QTMAN: variants seen among roughly 807,000 people sequenced by gnomAD.
QTMAN encodes queuosine-tRNA mannosyltransferase.
chr2:144,237,156 T>C, the QTMAN span: 3 of 152,078 alleles, frequency 2.0e-5, no homozygotes, highest in African/African-American at 7.2e-5. Context: ...CAAACAAGTA[T>C]ATCAGCAATA....
At chr2:144,122,623 C>G in the QTMAN span, among the ~76,000 whole-genome samples, 1 of 152,146 alleles carries the variant, frequency 6.6e-6, no homozygotes, top group East Asian at 1.9e-4. Flanking sequence ...CAACCTACCA[C>G]AACCCTCCAA....
chr2:143,999,540 A>T, the QTMAN span, among the ~76,000 whole-genome samples: 5 of 152,198 alleles, frequency 3.3e-5, no homozygotes, highest in East Asian at 9.7e-4. Flanking sequence ...ACACACAATC[A>T]TGTATATAAC....
At chr2:144,122,005 A>G in the QTMAN span, among the ~76,000 whole-genome samples, 5 of 152,214 alleles carry the variant, frequency 3.3e-5, no homozygotes, top group Admixed American at 2.0e-4. Flanking sequence ...ATATGTTTAT[A>G]CAGTGTTGTA....
the QTMAN span, among the ~76,000 whole-genome samples, chr2:144,204,294 T>G: frequency 4.0e-5 from 6 of 151,896 alleles, no homozygotes; most frequent in African/African-American, 1.4e-4. Context: ...TCAAACAAAT[T>G]TACAAGAAAA....
At chr2:144,210,469 T>G in the QTMAN span, among the ~76,000 whole-genome samples, 1 of 152,184 alleles carries the variant, frequency 6.6e-6, no homozygotes, top group Non-Finnish European at 1.5e-5. Context: ...CAGGAATAGA[T>G]GAGGAAAGTG....
the QTMAN span, among the ~76,000 whole-genome samples, chr2:144,325,498 T>C: frequency 6.7e-5 from 10 of 149,080 alleles, no homozygotes; most frequent in Admixed American, 2.0e-4. Flanking sequence ...CTAACAGATA[T>C]ATAGAAAAAG....
At chr2:144,082,034 C>CA in the QTMAN span, among the ~76,000 whole-genome samples, 1 of 152,028 alleles carries the variant, frequency 6.6e-6, no homozygotes, top group African/African-American at 2.4e-5. Context: ...ACTAGAGGCT[C>CA]ACATCACCAC....
At chr2:144,014,061 T>A in the QTMAN span, among the ~76,000 whole-genome samples, 38 of 152,218 alleles carry the variant, frequency 2.5e-4, 1 homozygote, top group Non-Finnish European at 4.0e-4. Flanking sequence ...AGGAAACCCA[T>A]CCCAATTTAA....
At chr2:144,248,034 T>C in the QTMAN span, among the ~76,000 whole-genome samples, 1 of 152,190 alleles carries the variant, frequency 6.6e-6, no homozygotes, top group Non-Finnish European at 1.5e-5. Context: ...ATTCAAATGT[T>C]AAACTAGGTG....
chr2:143,973,788 CAA>C, the QTMAN span, among the ~76,000 whole-genome samples: 8 of 89,156 alleles, frequency 9.0e-5, no homozygotes, highest in Non-Finnish European at 7.4e-5. Context: ...AACTCCGTCT[CAA>C]AAAAAAAAAA....
chr2:144,033,658 A>G, the QTMAN span, among the ~76,000 whole-genome samples: 11 of 152,172 alleles, frequency 7.2e-5, no homozygotes, highest in Non-Finnish European at 4.4e-5. Flanking sequence ...TCATAAGGTC[A>G]GAGTGTGGGT....
chr2:144,137,848 G>T, the QTMAN span, among the ~76,000 whole-genome samples: 1 of 151,972 alleles, frequency 6.6e-6, no homozygotes, highest in African/African-American at 2.4e-5. Flanking sequence ...TAGAATGCAG[G>T]GTGGATGCCA....
the QTMAN span, among the ~76,000 whole-genome samples, chr2:144,217,670 C>A: frequency 6.6e-6 from 1 of 151,984 alleles, no homozygotes; most frequent in African/African-American, 2.4e-5. Flanking sequence ...GAAGATATAA[C>A]CCTTATTCTT....
the QTMAN span, among the ~76,000 whole-genome samples, chr2:144,322,800 A>AC: frequency 5.3e-5 from 8 of 152,174 alleles, no homozygotes; most frequent in Non-Finnish European, 2.9e-5. Flanking sequence ...AAGATCTTTC[A>AC]CCCATAATTT....
chr2:144,008,514 G>C, the QTMAN span, among the ~76,000 whole-genome samples: 6 of 151,980 alleles, frequency 3.9e-5, no homozygotes, highest in Non-Finnish European at 8.8e-5. Context: ...AAAGAGACTG[G>C]GATGCAGGTC....
At chr2:144,056,266 A>G in the QTMAN span, among the ~76,000 whole-genome samples, 1 of 152,368 alleles carries the variant, frequency 6.6e-6, no homozygotes, top group Non-Finnish European at 1.5e-5. Context: ...AGACTTTTAA[A>G]TGTGAAATGT....
chr2:144,220,435 C>T, the QTMAN span, among the ~76,000 whole-genome samples: 3 of 152,230 alleles, frequency 2.0e-5, no homozygotes, highest in Non-Finnish European at 4.4e-5. Flanking sequence ...GGAACAAGCA[C>T]TGTGACTTTT....
chr2:144,130,944 A>G, the QTMAN span, among the ~76,000 whole-genome samples: 4 of 152,006 alleles, frequency 2.6e-5, no homozygotes, highest in African/African-American at 9.7e-5. Flanking sequence ...GACAAAGAGA[A>G]GAGTAATTCA....
chr2:144,218,502 A>G, the QTMAN span, among the ~76,000 whole-genome samples: 1 of 152,174 alleles, frequency 6.6e-6, no homozygotes, highest in Non-Finnish European at 1.5e-5. Context: ...CCAACATTTA[A>G]CTCAGACTGA....
Sources: allele counts gnomAD v4.1 joint callset (sites outside exome capture counted in the v4.1 genomes callset), GRCh38; gene constraint gnomAD v4.1.1; transcripts MANE v1.5; gene names NCBI Gene and HGNC (gene_info 2026-07-23, HGNC 2026-07-21).